Variants in NOS1 observed in about 807,000 individuals in gnomAD.
NOS1 encodes NOS type I.
NOS1 carries 51 observed loss-of-function variants against 164.5 expected under a neutral mutation model. The observed-to-expected ratio is 0.31, with a 90% CI of 0.25 to 0.39. The LOEUF (loss-of-function observed/expected upper bound fraction) is 0.39. NOS1 is among the 10% of genes least tolerant of loss of function. NOS1 has a pLI of 1.00. For synonymous variants in NOS1, 719 were observed against 745.8 expected, an observed-to-expected ratio of 0.96 and a Z score of 0.59; for missense variants, 1,362 against 1,885.6, an observed-to-expected ratio of 0.72 and a Z score of 5.14.
At chr12:117,338,476 G>C (rs947600082) in intron 1 of NOS1, among the ~76,000 whole-genome samples, 1 of 120,306 alleles carries the variant, frequency 8.3e-6, no homozygotes, top group Non-Finnish European at 1.7e-5. Context: ...GTTGTGGGGT[G>C]GGGGGAGGGA....
chr12:117,318,195 C>G (rs1035211805), intron 2 of NOS1, among the ~76,000 whole-genome samples: 2 of 152,142 alleles, frequency 1.3e-5, no homozygotes, highest in African/African-American at 4.8e-5. Flanking sequence ...CCTCAGATTT[C>G]TGAGCTCTCC....
chr12:117,328,272 G>A (rs1875354092), intron 2 of NOS1, among the ~76,000 whole-genome samples: 2 of 152,132 alleles, frequency 1.3e-5, no homozygotes, highest in African/African-American at 4.8e-5. Context: ...CCGGGTTCAA[G>A]CTATTCTCCT....
chr12:117,226,536 A>C, intron 24 of NOS1, 147 bp downstream of exon 24: 1 of 671,358 alleles, frequency 1.5e-6, no homozygotes, highest in Non-Finnish European at 2.7e-6. Flanking sequence ...TTTCCTTAAC[A>C]ACTAAGAGAG....
chr12:117,302,132 TGGACTTA>T, intron 3 of NOS1: 1 of 456,658 alleles, frequency 2.2e-6, no homozygotes, highest in Non-Finnish European at 4.4e-6. Flanking sequence ...AATGAAGCCA[TGGACTTA>T]AAGTGCTTAG....
At chr12:117,359,516 G>C (rs1010986316) in intron 1 of NOS1, among the ~76,000 whole-genome samples, 11 of 152,132 alleles carry the variant, frequency 7.2e-5, no homozygotes, top group African/African-American at 2.7e-4. Flanking sequence ...GAGAGGTCTG[G>C]GGTCTCCTTT....
chr12:117,253,081 C>T (rs1871210979), intron 17 of NOS1, among the ~76,000 whole-genome samples: 1 of 152,152 alleles, frequency 6.6e-6, no homozygotes, highest in Admixed American at 6.6e-5. Flanking sequence ...GAGGTTAGGG[C>T]AGTATTTGTC....
At chr12:117,341,778 C>T (rs573848272) in intron 1 of NOS1, among the ~76,000 whole-genome samples, 1 of 152,266 alleles carries the variant, frequency 6.6e-6, no homozygotes, top group African/African-American at 2.4e-5. Context: ...GCCTCAGATT[C>T]CTCATCTGTA....
intron 1 of NOS1, among the ~76,000 whole-genome samples, chr12:117,355,892 TG>T (rs1206384773): frequency 6.6e-6 from 1 of 152,162 alleles, no homozygotes; most frequent in Non-Finnish European, 1.5e-5. Context: ...GCTGAGCAGC[TG>T]GGACCACAGG....
intron 13 of NOS1, among the ~76,000 whole-genome samples, chr12:117,262,472 A>G (rs1872000664): frequency 2.6e-5 from 3 of 114,598 alleles, no homozygotes; most frequent in Non-Finnish European, 3.5e-5. Context: ...GGAGGGAGGG[A>G]GAGAAAGGGG....
intron 26 of NOS1, among the ~76,000 whole-genome samples, chr12:117,222,185 T>TA (rs1156691415): frequency 2.0e-5 from 3 of 152,160 alleles, no homozygotes; most frequent in Admixed American, 6.5e-5. Flanking sequence ...ACTCTGTCTC[T>TA]ATGGATTTGC....
chr12:117,311,442 A>G, intron 3 of NOS1, 24 bp downstream of exon 3: 4 of 1,585,210 alleles, frequency 2.5e-6, no homozygotes, highest in Non-Finnish European at 3.4e-6. Context: ...AAGCAGTGGT[A>G]CCAGCTTGGC....
intron 8 of NOS1, among the ~76,000 whole-genome samples, chr12:117,279,548 G>A (rs1873462383): frequency 6.6e-6 from 1 of 152,200 alleles, no homozygotes; most frequent in Non-Finnish European, 1.5e-5. Context: ...GGCAGGGTTA[G>A]AGGGTTTCAA....
At position 117,330,508 on chromosome 12, in the gene NOS1, C is replaced by A. The variant is rs529671468; in HGVS notation, c.562G>T (p.Ala188Ser). 1.1e-5 allele frequency: 17 copies of A among 1,613,918 alleles called. No homozygotes were observed. The Admixed American group carries it at 1.5e-4, about 14-fold the overall frequency. ...LAPRPPGQDPAKKATRVSLQG... is the reference protein window; with the variant it reads ...LAPRPPGQDPSKKATRVSLQG... The stretch of plus-strand genomic sequence containing the variant: ...AGGCTGACTCTGGTTGCTTTCTTCG[C>A]GGGGTCCTGGCCTGGGGGCCTGGGG... Residue 188 changes from alanine (A) to serine (S), a missense_variant, in exon 2 of 29, where the codon GCG (alanine) becomes TCG (serine). Transcript: ENST00000317775. The surrounding 1 kb of genome is among the most constrained non-coding windows in gnomAD (Gnocchi z 4.6).
chr12:117,356,909 T>C lies in NOS1; in HGVS notation c.-421+4603A>G, dbSNP rs961104692. Among the ~76,000 whole-genome samples the C allele has an allele frequency of 6.6e-6, 1 of 152,228 alleles. No individual in the cohort carries two copies. Among genetic ancestry groups the C allele is most frequent in the Non-Finnish European group, 1.5e-5 (1 of 68,044 alleles). ...TTGCAAAGGCTGAGTGGAAGGCCGA[T>C]GGGCTGTGGAAATGAACTCAAACCA... On this transcript the variant is annotated intron_variant, in intron 1 of 28. Transcript: ENST00000317775. This position sits in a 1 kb window ranked among gnomAD's most constrained non-coding sequence, Gnocchi z 4.2.
intron 7 of NOS1, among the ~76,000 whole-genome samples, chr12:117,283,057 T>TATATA (rs59524855): frequency 2.3e-3 from 75 of 32,202 alleles, no homozygotes; most frequent in African/African-American, 5.2e-3. Flanking sequence ...TATATATATA[T>TATATA]TTTTTTTTTT....
At chr12:117,247,932 C>A (rs1182759418) in intron 17 of NOS1, among the ~76,000 whole-genome samples, 1 of 140,840 alleles carries the variant, frequency 7.1e-6, no homozygotes. Context: ...GGTGACAGAG[C>A]GAGACTCCGT....
intron 3 of NOS1, chr12:117,301,999 C>A: frequency 2.2e-6 from 1 of 456,708 alleles, no homozygotes; most frequent in Non-Finnish European, 4.4e-6. Flanking sequence ...GGTTCAAATC[C>A]CATCTCCAAC....
At chr12:117,259,410 C>T (rs1348206042) in intron 14 of NOS1, among the ~76,000 whole-genome samples, 3 of 152,100 alleles carry the variant, frequency 2.0e-5, no homozygotes, top group Non-Finnish European at 4.4e-5. Flanking sequence ...AGCAATGGTT[C>T]AAGGGATTGG....
rs552608101 is a variant in NOS1 at position 117,222,746 on chromosome 12, G to A, written c.3944C>T (p.Thr1315Met). ...KNKGVFRELY[T>M]AYSREPDKPK... ...TTTGTCTGGCTCCCGGGAGTAAGCCGTGTACAGCTCTCTGAAGACCCCCTT... is the reference window on the plus strand; with the variant it reads ...TTTGTCTGGCTCCCGGGAGTAAGCCATGTACAGCTCTCTGAAGACCCCCTT... Residue 1315 changes from threonine to methionine, a missense_variant, in exon 26 of 29, where the codon ACG becomes ATG. Physicochemically the swap from Thr to Met is moderately conservative, Grantham distance 81. This residue lies in a region of NOS1 where 737 missense variants were observed against 1,030.3 expected (regional missense o/e 0.72). Coordinates refer to ENST00000317775, the MANE Select transcript of NOS1 (RefSeq NM_000620.5). 9 of 1,613,944 alleles carry A rather than the reference G, an allele frequency of 5.6e-6. No individual in the cohort carries two copies. Among genetic ancestry groups the A allele is most frequent in the African/African-American group, 4.0e-5 (3 of 75,024 alleles).
Sources: gnomAD v4.1 joint callset for allele counts (sites outside exome capture counted in the v4.1 genomes callset) on GRCh38, gnomAD v4.1.1 for gene constraint, gnomAD v4.1.1 regional missense constraint, Gnocchi (gnomAD v3.1) non-coding constraint, MANE v1.5 for transcripts, NCBI Gene and HGNC (gene_info 2026-07-23, HGNC 2026-07-21) for gene names.